RRAGD: variants seen among roughly 807,000 people sequenced by gnomAD.
RRAGD encodes ras-related GTP-binding protein D.
RRAGD carries 12 observed loss-of-function variants against 35.5 expected under a neutral mutation model. The ratio of observed to expected loss-of-function variants is 0.34; its 90% CI spans 0.22 to 0.55. RRAGD has a LOEUF of 0.55. RRAGD is among the 20% of genes least tolerant of loss of function. The pLI, the probability that RRAGD is intolerant of heterozygous loss-of-function variation, is 0.91. For synonymous variants in RRAGD, 155 were observed against 178.9 expected, an observed-to-expected ratio of 0.87 and a Z score of 1.07; for missense variants, 324 against 490.1, an observed-to-expected ratio of 0.66 and a Z score of 3.20.
chr6:89,390,543 A>G (rs1188806175), intron 1 of RRAGD, among the ~76,000 whole-genome samples: 1 of 152,242 alleles, frequency 6.6e-6, no homozygotes, highest in Non-Finnish European at 1.5e-5. Flanking sequence ...GAGAAACTGG[A>G]ACCTTCATAT....
Position 89,376,933 on chromosome 6 carries a change from C to T in RRAGD, c.902+738G>A, listed in dbSNP as rs528751153. ...GTCCACTTATACATGGATTTTCTTCCGCTTCTGCCACTCCTAAGACAGCAA... is the reference window on the plus strand; with the variant it reads ...GTCCACTTATACATGGATTTTCTTCTGCTTCTGCCACTCCTAAGACAGCAA... On this transcript the variant is annotated intron_variant, in intron 5 of 6. Coordinates refer to ENST00000369415, the MANE Select transcript of RRAGD (RefSeq NM_021244.5). 8.5e-5 allele frequency among the ~76,000 whole-genome samples: 13 copies of T among 152,226 alleles called. No homozygotes were observed. The East Asian group carries it at 9.6e-4, about 11-fold the overall frequency.
chr6:89,389,555 C>CA (rs767352705), intron 1 of RRAGD, among the ~76,000 whole-genome samples: 13,102 of 57,144 alleles, frequency 0.23, 1,260 homozygotes, highest in East Asian at 0.34. Flanking sequence ...GACTCCGTCT[C>CA]AAAAAAAAAA....
At chr6:89,372,086 G>T (rs1217710745) in intron 6 of RRAGD, among the ~76,000 whole-genome samples, 2 of 152,196 alleles carry the variant, frequency 1.3e-5, no homozygotes. Flanking sequence ...CTCAGTATAG[G>T]CTGGGAGTCT....
chr6:89,382,306 G>A (rs1582509879), intron 2 of RRAGD, among the ~76,000 whole-genome samples: 1 of 151,524 alleles, frequency 6.6e-6, no homozygotes, highest in African/African-American at 2.4e-5. Context: ...CAAAAGCCAG[G>A]AGCAGTGGCT....
In RRAGD at chr6:89,411,444, C is replaced by A; in HGVS notation, c.148+402G>T. 1 of 168,380 alleles carries A rather than the reference C, an allele frequency of 5.9e-6. No individual in the cohort carries two copies. The highest frequency in any genetic ancestry group is 1.3e-5 in the Non-Finnish European group (1 of 78,746). The allele number at this position is 168,380 out of a possible 1,614,324, so 10.4% of individuals were successfully genotyped here. On this transcript the variant is annotated intron_variant, in intron 1 of 6. Transcript: ENST00000369415. The surrounding 1 kb of genome is among the most constrained non-coding windows in gnomAD (Gnocchi z 5.6). ...GCCTTTTTTTAGCCACGACATCTGACCCTGGCTTCAACAGCACCGTTCTGG... is the reference window on the plus strand; with the variant it reads ...GCCTTTTTTTAGCCACGACATCTGAACCTGGCTTCAACAGCACCGTTCTGG...
At chr6:89,376,300 G>GGTGTGT (rs34484330) in intron 5 of RRAGD, among the ~76,000 whole-genome samples, 58 of 141,858 alleles carry the variant, frequency 4.1e-4, no homozygotes, top group South Asian at 8.6e-4. Context: ...ATGTGTGTGT[G>GGTGTGT]GTGTGTGTGT....
chr6:89,398,756 T>C (rs1162004284), intron 1 of RRAGD, among the ~76,000 whole-genome samples: 1 of 152,242 alleles, frequency 6.6e-6, no homozygotes, highest in Non-Finnish European at 1.5e-5. Context: ...ATTATCCCCA[T>C]TTCACAGGTG....
At chr6:89,375,733 AC>A (rs1264721268) in intron 5 of RRAGD, among the ~76,000 whole-genome samples, 2 of 152,256 alleles carry the variant, frequency 1.3e-5, no homozygotes, top group African/African-American at 4.8e-5. Context: ...ATCTGAGGAA[AC>A]CCCAGAGCCC....
At position 89,372,552 on chromosome 6, in the gene RRAGD, G is replaced by A. The variant is rs78934939; in HGVS notation, c.936C>T (p.Asp312=). 4.1e-5 allele frequency: 64 copies of A among 1,569,772 alleles called. No individual in the cohort carries two copies. Among genetic ancestry groups the A allele is most frequent in the Non-Finnish European group, 5.3e-5 (62 of 1,161,870 alleles). The stretch of plus-strand genomic sequence containing the variant: ...GCTTTATGATGGCTGTGGATTCCTT[G>A]TCATAGGGGGTTCCTGCTCCATCTT... The part of the protein sequence containing the change: ...LKEDGAGTPY[D]KESTAIIKLN... Residue 312 remains aspartate (D), a synonymous_variant, in exon 6 of 7, where the codon GAC becomes GAT. Coordinates refer to ENST00000369415, the MANE Select transcript of RRAGD (RefSeq NM_021244.5).
chr6:89,402,333 A>C (rs554221938), intron 1 of RRAGD, among the ~76,000 whole-genome samples: 1 of 152,104 alleles, frequency 6.6e-6, no homozygotes, highest in South Asian at 2.1e-4. Context: ...GGCATGAGCC[A>C]CTGAGCCCGG....
rs1768865755 is a variant in RRAGD at position 89,372,298 on chromosome 6, C to CTTAA, written c.1051+138_1051+139insTTAA. 16 of 970,934 alleles carry CTTAA rather than the reference C, an allele frequency of 1.6e-5. No individual in the cohort carries two copies. The South Asian group carries it at 2.8e-4, about 17-fold the overall frequency. The allele number at this position is 970,934 out of a possible 1,614,324, so 60.1% of individuals were successfully genotyped here. ...GCAGGAGCCCGCCCCGCTCTGAACT[C>CTTAA]CAAGCCAAGAGGGCCTGTGACTGGC... On this transcript the variant is annotated intron_variant, in intron 6 of 6. Coordinates refer to ENST00000369415, the MANE Select transcript of RRAGD (RefSeq NM_021244.5).
intron 1 of RRAGD, among the ~76,000 whole-genome samples, chr6:89,394,356 T>C (rs1382642735): frequency 2.0e-5 from 3 of 152,040 alleles, no homozygotes; most frequent in African/African-American, 7.2e-5. Context: ...AACAATTACC[T>C]ATGAAAGAAC....
chr6:89,381,100 A>G (rs1226717686), intron 2 of RRAGD, among the ~76,000 whole-genome samples: 2 of 152,176 alleles, frequency 1.3e-5, no homozygotes, highest in Non-Finnish European at 2.9e-5. Flanking sequence ...GAGCAATTTT[A>G]AGAACCACTG....
At chr6:89,385,225 G>T (rs1044588694) in intron 2 of RRAGD, among the ~76,000 whole-genome samples, 13 of 152,106 alleles carry the variant, frequency 8.5e-5, no homozygotes, top group Non-Finnish European at 4.4e-5. Context: ...CTGTAAATTT[G>T]AATTCCCATA....
At chr6:89,410,031 G>C (rs1233178354) in intron 1 of RRAGD, among the ~76,000 whole-genome samples, 3 of 152,174 alleles carry the variant, frequency 2.0e-5, no homozygotes, top group Admixed American at 6.5e-5. Flanking sequence ...TTGCCTTTAC[G>C]TTAACAGCTA....
chr6:89,382,554 A>T (rs1287734094), intron 2 of RRAGD, among the ~76,000 whole-genome samples: 1 of 151,884 alleles, frequency 6.6e-6, no homozygotes, highest in Non-Finnish European at 1.5e-5. Context: ...CAACCTAGGT[A>T]ACAGAGTGAG....
At chr6:89,384,441 C>T (rs552887318) in intron 2 of RRAGD, among the ~76,000 whole-genome samples, 2 of 152,248 alleles carry the variant, frequency 1.3e-5, no homozygotes, top group South Asian at 4.1e-4. Context: ...ACTCCTGGGC[C>T]TAAGTGGTCC....
At chr6:89,384,585 G>A (rs568418563) in intron 2 of RRAGD, among the ~76,000 whole-genome samples, 1 of 152,266 alleles carries the variant, frequency 6.6e-6, no homozygotes, top group African/African-American at 2.4e-5. Context: ...GGGAGGCTGA[G>A]ATGGATGGAT....
chr6:89,411,432 CACG>C lies in RRAGD; in HGVS notation c.148+411_148+413del, dbSNP rs1769690706. 1 of 161,188 alleles carries C rather than the reference CACG, an allele frequency of 6.2e-6. No homozygotes were observed. The highest frequency in any genetic ancestry group is 6.4e-5 in the Admixed American group (1 of 15,508). The allele number at this position is 161,188 out of a possible 1,614,324, so 10.0% of individuals were successfully genotyped here. ...CCGCCGCCGGCTGCCTTTTTTTAGCCACGACATCTGACCCTGGCTTCAACAGCA... is the reference window on the plus strand; with the variant it reads ...CCGCCGCCGGCTGCCTTTTTTTAGCCACATCTGACCCTGGCTTCAACAGCA... On this transcript the variant is annotated intron_variant, in intron 1 of 6. Coordinates refer to ENST00000369415, the MANE Select transcript of RRAGD (RefSeq NM_021244.5). This position sits in a 1 kb window ranked among gnomAD's most constrained non-coding sequence, Gnocchi z 5.6.
Sources: gnomAD v4.1 joint callset for allele counts (sites outside exome capture counted in the v4.1 genomes callset) on GRCh38, gnomAD v4.1.1 for gene constraint, Gnocchi (gnomAD v3.1) non-coding constraint, MANE v1.5 for transcripts, NCBI Gene and HGNC (gene_info 2026-07-23, HGNC 2026-07-21) for gene names.